Variants in C3 observed in about 807,000 individuals in gnomAD.
C3 encodes the protein complement C3.
C3 carries 97 observed loss-of-function variants against 207.9 expected under a neutral mutation model. The observed-to-expected ratio is 0.47, with a 90% CI of 0.40 to 0.55. The LOEUF (loss-of-function observed/expected upper bound fraction) is 0.55. Ranked by LOEUF, C3 falls within the 20% of genes least tolerant of loss-of-function variation. C3 has a pLI of 0.00. For synonymous variants in C3, 848 were observed against 857.6 expected (o/e 0.99, Z 0.20); for missense variants, 1,684 against 2,171.7 (o/e 0.78, Z 4.46).
intron 27 of C3, among the ~76,000 whole-genome samples, chr19:6,689,363 C>CTT (rs1918111403): frequency 8.0e-6 from 1 of 125,558 alleles, no homozygotes; most frequent in Non-Finnish European, 1.6e-5. Context: ...CTCCCTCCCT[C>CTT]TCTCTCTCTC....
In C3 at chr19:6,718,688, G is replaced by C. The variant is rs1968096714; in HGVS notation, c.268-276C>G. On this transcript the variant is annotated intron_variant, in intron 2 of 40. Transcript: ENST00000245907. ...TCAGAAAGGGAAGGGGCTGACATGG[G>C]AGGGGCTCAGAAAGGGGGAGGGACT... Among the ~76,000 whole-genome samples, 3 of 151,414 alleles carry C rather than the reference G, an allele frequency of 2.0e-5. No individual in the cohort carries two copies. In the South Asian group the frequency reaches 6.3e-4, roughly 32 times the overall value.
chr19:6,699,320 G>A (rs996843046), intron 19 of C3, among the ~76,000 whole-genome samples: 6 of 146,362 alleles, frequency 4.1e-5, no homozygotes, highest in African/African-American at 1.0e-4. Flanking sequence ...ATGATTTGCC[G>A]GCCTCAGCCT....
chr19:6,697,868 C>T (rs1967573304), intron 19 of C3, 74 bp from the exon 20 acceptor site: 4 of 1,468,496 alleles, frequency 2.7e-6, no homozygotes, highest in Non-Finnish European at 2.8e-6. Flanking sequence ...GGTCTCAGCT[C>T]TTAGTCCACT....
chr19:6,693,523 G>A (rs1457526006), intron 24 of C3, 36 bp from the exon 25 acceptor site: 3 of 1,588,788 alleles, frequency 1.9e-6, no homozygotes, highest in East Asian at 2.3e-5. Flanking sequence ...AAAAGAGCCG[G>A]GGCTGAGCAG....
In C3 at chr19:6,702,479, C is replaced by T. The variant is rs371582341; in HGVS notation, c.2346G>A (p.Pro782=). The T allele has an allele frequency of 3.3e-5, 53 of 1,611,292 alleles. No individual in the cohort carries two copies. The highest frequency in any genetic ancestry group is 4.1e-5 in the Non-Finnish European group (48 of 1,177,502). ...GGGTACCCCGGCCTTACCCATTTTT[C>T]GGTGGCTCTTTCAAGTCCTCAACGT... The part of the protein sequence containing the change: ...LWNVEDLKEP[P]KNGISTKLMN... The change falls in exon 18 of 41, where the codon CCG becomes CCA. Residue 782 remains proline (P), a synonymous_variant. Transcript: ENST00000245907.
At chr19:6,680,880 C>T (rs938449000) in intron 35 of C3, among the ~76,000 whole-genome samples, 17 of 151,944 alleles carry the variant, frequency 1.1e-4, no homozygotes, top group South Asian at 2.1e-4. Context: ...ATGAAAGAGT[C>T]AGAGAATGCC....
chr19:6,709,611 T>TCCCCCCCCCCCCCCCCCCCCCCCCCCCCC, intron 14 of C3, 73 bp downstream of exon 14: 2 of 1,109,440 alleles, frequency 1.8e-6, no homozygotes, highest in South Asian at 1.2e-5. Flanking sequence ...CCCTCTCCAG[T>TCCCCCCCCCCCCCCCCCCCCCCCCCCCCC]CCCACCCACC....
intron 21 of C3, 108 bp from the exon 22 acceptor site, chr19:6,696,767 C>A: frequency 9.0e-7 from 1 of 1,115,570 alleles, no homozygotes; most frequent in Non-Finnish European, 1.4e-6. Context: ...CATTGCCGGG[C>A]GCGGTGGCTC....
Position 6,679,156 on chromosome 19 carries a change from C to A in C3, c.4599G>T (p.Leu1533=). 1 of 1,614,178 alleles carries A rather than the reference C, an allele frequency of 6.2e-7. No individual in the cohort carries two copies. Among genetic ancestry groups the A allele is most frequent in the Non-Finnish European group, 8.5e-7 (1 of 1,180,006 alleles). Residue 1533 remains leucine (L), a synonymous_variant, in exon 38 of 41, where the codon CTG becomes CTT. Transcript: ENST00000245907. ...CCACTCCTGGCTCACAGGCCTTGTC[C>A]AGCCGTTCTTCCAGGGTGACCTTGT... The part of the protein sequence containing the change: ...SDDKVTLEER[L]DKACEPGVDY...
chr19:6,678,516 G>T, intron 38 of C3, 61 bp from the exon 39 acceptor site: 1 of 1,391,140 alleles, frequency 7.2e-7, no homozygotes. Flanking sequence ...GGGCACCCTG[G>T]TTTGCAAGTG....
At position 6,719,315 on chromosome 19, in the gene C3, C is replaced by G; in HGVS notation, c.163G>C (p.Val55Leu). 6.2e-7 allele frequency: 1 copy of G among 1,614,040 alleles called. No homozygotes were observed. The highest frequency in any genetic ancestry group is 8.5e-7 in the Non-Finnish European group (1 of 1,179,968). Reference protein sequence around the residue: ...EAHDAQGDVPVTVTVHDFPGK... With the variant: ...EAHDAQGDVPLTVTVHDFPGK... ...GGGAAGTCGTGGACAGTAACAGTGA[C>G]TGGAACATCCCCTTGCGCGTCGTGG... Residue 55 changes from valine (V) to leucine (L), a missense_variant, in exon 2 of 41, where the codon GTC becomes CTC. Transcript: ENST00000245907. This position sits in a 1 kb window ranked among gnomAD's most constrained non-coding sequence, Gnocchi z 5.4.
At chr19:6,714,556 T>C in intron 4 of C3, 110 bp from the exon 5 acceptor site, 2 of 801,866 alleles carry the variant, frequency 2.5e-6, no homozygotes, top group Non-Finnish European at 4.3e-6. Context: ...GCACAGTGTC[T>C]ACTGTGGTTA....
At chr19:6,692,467 G>T (rs779114888) in intron 26 of C3, among the ~76,000 whole-genome samples, 1 of 152,192 alleles carries the variant, frequency 6.6e-6, no homozygotes, top group Non-Finnish European at 1.5e-5. Flanking sequence ...GCCAACAAAA[G>T]TGGGAGGCCA....
chr19:6,704,006 C>T (rs924112117), intron 17 of C3, among the ~76,000 whole-genome samples: 26 of 151,946 alleles, frequency 1.7e-4, no homozygotes, highest in African/African-American at 6.3e-4. Flanking sequence ...TCTCGATAGG[C>T]TGGATGTGGT....
chr19:6,697,049 T>TAAAAA (rs202245108), intron 21 of C3, among the ~76,000 whole-genome samples: 3 of 91,514 alleles, frequency 3.3e-5, no homozygotes, highest in South Asian at 4.0e-4. Flanking sequence ...CTCAAAAAAA[T>TAAAAA]AAACAAACAA....
At position 6,694,453 on chromosome 19, in the gene C3, C is replaced by T; in HGVS notation, c.3132G>A (p.Gly1044=). The part of the protein sequence containing the change: ...WEKFGLEKRQ[G]ALELIKKGYT... ...CACCCTTCTTGATGAGCTCCAAGGC[C>T]CCCTGCCGCTTCTCTAGGCCGAACT... Residue 1044 remains glycine (G), a synonymous_variant, in exon 24 of 41, where the codon GGG becomes GGA. Coordinates refer to ENST00000245907, the MANE Select transcript of C3 (RefSeq NM_000064.4). 1 of 1,614,084 alleles carries T rather than the reference C, an allele frequency of 6.2e-7. No individual in the cohort carries two copies. The highest frequency in any genetic ancestry group is 1.1e-5 in the South Asian group (1 of 91,086).
intron 27 of C3, among the ~76,000 whole-genome samples, chr19:6,687,113 C>T (rs1304711008): frequency 5.3e-5 from 8 of 152,166 alleles, no homozygotes; most frequent in African/African-American, 1.7e-4. Context: ...GAGAAATCCA[C>T]GTACCCCGTG....
intron 21 of C3, among the ~76,000 whole-genome samples, chr19:6,697,076 A>AAAAAAAAAT (rs1967554941): frequency 8.9e-6 from 1 of 112,596 alleles, no homozygotes; most frequent in African/African-American, 2.9e-5. Context: ...AAATAAATAA[A>AAAAAAAAAT]AAATTTCAAA....
At chr19:6,692,612 A>G (rs924561707) in intron 26 of C3, among the ~76,000 whole-genome samples, 1 of 152,148 alleles carries the variant, frequency 6.6e-6, no homozygotes, top group African/African-American at 2.4e-5. Flanking sequence ...GGGAGAATGC[A>G]GGTGTTGATG....
Sources: allele counts gnomAD v4.1 joint callset (sites outside exome capture counted in the v4.1 genomes callset), GRCh38; gene constraint gnomAD v4.1.1; non-coding constraint Gnocchi (gnomAD v3.1); transcripts MANE v1.5; gene names NCBI Gene and HGNC (gene_info 2026-07-23, HGNC 2026-07-21).